The following ZNF536 variants were observed in gnomAD, a reference collection of about 807,000 sequenced individuals.
ZNF536 encodes zinc finger protein 536.
ZNF536 carries 13 observed loss-of-function variants against 84.5 expected under a neutral mutation model. The observed-to-expected ratio is 0.15, with a 90% CI of 0.10 to 0.24. ZNF536 has a LOEUF of 0.24. Among genes scored for constraint, ZNF536 ranks in the 10% least tolerant of loss-of-function variants. The pLI, the probability that ZNF536 is intolerant of heterozygous loss-of-function variation, is 1.00. For missense variants in ZNF536, 1,536 were observed against 1,747.5 expected (o/e 0.88, Z 2.16); for synonymous variants, 811 against 742.5 (o/e 1.09, Z -1.50).
intron 1 of ZNF536, among the ~76,000 whole-genome samples, chr19:30,424,640 G>T (rs1444597832): frequency 1.3e-5 from 2 of 152,124 alleles, no homozygotes; most frequent in Non-Finnish European, 2.9e-5. Flanking sequence ...ATAATAGGGT[G>T]TGCAAGGCTC....
intron 2 of ZNF536, among the ~76,000 whole-genome samples, chr19:30,507,595 A>G (rs768099455): frequency 3.3e-5 from 5 of 152,176 alleles, no homozygotes; most frequent in Non-Finnish European, 7.3e-5. Context: ...TTTAAGGTGT[A>G]AAGAATAGAG....
intron 2 of ZNF536, among the ~76,000 whole-genome samples, chr19:30,304,976 G>C (rs2046302541): frequency 1.3e-5 from 2 of 152,348 alleles, no homozygotes; most frequent in South Asian, 4.1e-4. Flanking sequence ...GCTTGGGGCA[G>C]ACATCTCTTT....
chr19:30,532,749 A>G (rs1010149212), intron 2 of ZNF536, among the ~76,000 whole-genome samples: 8 of 152,208 alleles, frequency 5.3e-5, no homozygotes, highest in African/African-American at 1.9e-4. Context: ...AAGCTAGGGT[A>G]TGTGGTTGGC....
intron 1 of ZNF536, among the ~76,000 whole-genome samples, chr19:30,439,261 T>C (rs934390145): frequency 6.6e-6 from 1 of 152,162 alleles, no homozygotes; most frequent in African/African-American, 2.4e-5. Context: ...CTTTCATTGC[T>C]CCCTGTTACT....
chr19:30,348,875 C>A (rs1015849571), intron 2 of ZNF536, among the ~76,000 whole-genome samples: 8 of 151,160 alleles, frequency 5.3e-5, no homozygotes, highest in African/African-American at 1.9e-4. Context: ...GCCAGTGCAC[C>A]TGTTTCACAG....
In ZNF536 at chr19:30,466,710, TAGGA is replaced by T. The variant is rs1205732516; in HGVS notation, c.2170+20995_2170+20998del. On this transcript the variant is annotated intron_variant, in intron 2 of 4. Transcript: ENST00000355537. ...AGAAAGAAAAAGAAGGAAAGGAAGG[TAGGA>T]AGGAAGGAAGGAAGGAGGGAGGGAG... 3.4e-3 allele frequency among the ~76,000 whole-genome samples: 388 copies of T among 113,864 alleles called. 3 individuals are homozygous for T. The highest frequency in any genetic ancestry group is 0.012 in the African/African-American group (342 of 28,140). The allele number at this position is 113,864 out of a possible 152,430, so 74.7% of individuals were successfully genotyped here.
intron 1 of ZNF536, among the ~76,000 whole-genome samples, chr19:30,682,320 G>A (rs1175425886): frequency 6.6e-6 from 1 of 152,158 alleles, no homozygotes; most frequent in African/African-American, 2.4e-5. Flanking sequence ...CCCAAGAAAG[G>A]AGGAATCTAT....
chr19:30,418,194 T>C (rs1277781155), intron 1 of ZNF536, among the ~76,000 whole-genome samples: 7 of 152,144 alleles, frequency 4.6e-5, no homozygotes, highest in Admixed American at 4.6e-4. Context: ...TTCCCTGGCC[T>C]ATTATGCTTG....
chr19:30,467,769 GT>G (rs1365178805), intron 2 of ZNF536, among the ~76,000 whole-genome samples: 1 of 152,238 alleles, frequency 6.6e-6, no homozygotes, highest in Non-Finnish European at 1.5e-5. Context: ...CTGAGGGAGG[GT>G]TTTGGCGTCA....
chr19:30,428,978 C>G (rs185367074), intron 1 of ZNF536, among the ~76,000 whole-genome samples: 1 of 152,282 alleles, frequency 6.6e-6, no homozygotes, highest in African/African-American at 2.4e-5. Context: ...CAGCCTGACC[C>G]GCTTCCTTGT....
chr19:30,409,284 A>G (rs987636411), intron 1 of ZNF536, among the ~76,000 whole-genome samples: 1 of 152,206 alleles, frequency 6.6e-6, no homozygotes, highest in African/African-American at 2.4e-5. Context: ...TTGAACTTGG[A>G]GAGTGTATTT....
At chr19:30,446,164 G>A (rs964670676) in intron 2 of ZNF536, among the ~76,000 whole-genome samples, 4 of 143,838 alleles carry the variant, frequency 2.8e-5, no homozygotes, top group Admixed American at 7.3e-5. Context: ...CAGGAGAATC[G>A]CTTGAGCCCG....
chr19:30,320,253 T>C (rs2046810308), intron 2 of ZNF536, among the ~76,000 whole-genome samples: 1 of 152,234 alleles, frequency 6.6e-6, no homozygotes, highest in South Asian at 2.1e-4. Context: ...CACTGTCATT[T>C]ATTTTTTTCT....
intron 2 of ZNF536, among the ~76,000 whole-genome samples, chr19:30,514,455 AGAGACTCACAGG>A (rs1216810146): frequency 2.0e-5 from 3 of 152,084 alleles, no homozygotes; most frequent in Non-Finnish European, 4.4e-5. Context: ...GGGGGGTCAA[AGAGACTCACAGG>A]GAGATGAGAA....
rs1046047419 is a variant in ZNF536 at position 30,424,562 on chromosome 19, C to T, written c.-2-18999C>T. On this transcript the variant is annotated intron_variant, in intron 1 of 4. Transcript: ENST00000355537. ...CTGAGAGACATTCCTGGGACAGGGA[C>T]GTTTGGCTGTAGATCAGAGAAGTTA... Among the ~76,000 whole-genome samples, 6 of 151,950 alleles carry T rather than the reference C, an allele frequency of 3.9e-5. No homozygotes were observed. The East Asian group carries it at 5.8e-4, about 15-fold the overall frequency.
At chr19:30,435,801 A>G (rs2051720442) in intron 1 of ZNF536, among the ~76,000 whole-genome samples, 2 of 151,476 alleles carry the variant, frequency 1.3e-5, no homozygotes, top group Non-Finnish European at 2.9e-5. Flanking sequence ...TGACAGGAGA[A>G]CCCCTTTGTT....
intron 2 of ZNF536, among the ~76,000 whole-genome samples, chr19:30,514,794 C>T (rs1427997012): frequency 5.3e-5 from 8 of 152,058 alleles, no homozygotes; most frequent in Non-Finnish European, 8.8e-5. Flanking sequence ...AACGTGAGGA[C>T]CCCTCATTGT....
intron 2 of ZNF536, among the ~76,000 whole-genome samples, chr19:30,313,533 C>G (rs1184120849): frequency 6.6e-6 from 1 of 152,108 alleles, no homozygotes; most frequent in Non-Finnish European, 1.5e-5. Flanking sequence ...TGAGCAAAAC[C>G]CCAAGCTCTG....
chr19:30,588,379 A>G (rs1232879527), intron 1 of ZNF536, among the ~76,000 whole-genome samples: 3 of 152,194 alleles, frequency 2.0e-5, no homozygotes, highest in Admixed American at 6.5e-5. Flanking sequence ...TGAGGGGGAC[A>G]AGGTCCTACC....
Sources: allele counts gnomAD v4.1 joint callset (sites outside exome capture counted in the v4.1 genomes callset), GRCh38; gene constraint gnomAD v4.1.1; transcripts MANE v1.5; gene names NCBI Gene and HGNC (gene_info 2026-07-23, HGNC 2026-07-21).